RBMS3: variants seen among roughly 807,000 people sequenced by gnomAD.
RBMS3 encodes the protein RNA-binding motif, single-stranded-interacting protein 3.
Under a neutral mutation model 66.8 loss-of-function variants are expected in RBMS3, and 27 were observed. The ratio of observed to expected loss-of-function variants is 0.40; its 90% CI spans 0.30 to 0.56. RBMS3 has a LOEUF of 0.56. Among genes scored for constraint, RBMS3 ranks in the 20% least tolerant of loss-of-function variants. RBMS3 has a pLI of 0.40. For missense variants in RBMS3, 513 were observed against 549.5 expected, an observed-to-expected ratio of 0.93 and a Z score of 0.66; for synonymous variants, 188 against 183.0, an observed-to-expected ratio of 1.03 and a Z score of -0.22.
At chr3:29,663,056 C>T (rs774643696) in intron 4 of RBMS3, among the ~76,000 whole-genome samples, 2 of 152,132 alleles carry the variant, frequency 1.3e-5, no homozygotes, top group Non-Finnish European at 1.5e-5. Context: ...ATTTTTCTTG[C>T]TTGTTTGTTT....
At chr3:29,450,495 G>T (rs553013280) in intron 2 of RBMS3, among the ~76,000 whole-genome samples, 1 of 152,288 alleles carries the variant, frequency 6.6e-6, no homozygotes, top group East Asian at 1.9e-4. Flanking sequence ...TGAATTAGTA[G>T]ATTTGTCTTT....
intron 3 of RBMS3, among the ~76,000 whole-genome samples, chr3:29,564,829 T>C (rs942506879): frequency 6.6e-6 from 1 of 152,138 alleles, no homozygotes; most frequent in African/African-American, 2.4e-5. Context: ...GTCAGTTTCT[T>C]TAAAGACAAT....
chr3:29,589,003 T>C (rs1331936391), intron 4 of RBMS3, among the ~76,000 whole-genome samples: 1 of 152,112 alleles, frequency 6.6e-6, no homozygotes, highest in Non-Finnish European at 1.5e-5. Flanking sequence ...TAGCAGATTG[T>C]AGCACTTTAG....
intron 3 of RBMS3, among the ~76,000 whole-genome samples, chr3:29,556,985 T>A (rs1224271505): frequency 6.6e-6 from 1 of 152,174 alleles, no homozygotes; most frequent in Non-Finnish European, 1.5e-5. Flanking sequence ...CCACCCTCCA[T>A]GAAACTTTGT....
chr3:29,554,940 G>A (rs184287784), intron 3 of RBMS3, among the ~76,000 whole-genome samples: 1 of 152,226 alleles, frequency 6.6e-6, no homozygotes, highest in African/African-American at 2.4e-5. Flanking sequence ...TAGAAAGATG[G>A]TTGCATTGAT....
intron 12 of RBMS3, among the ~76,000 whole-genome samples, chr3:29,968,171 G>A (rs550523299): frequency 6.6e-6 from 1 of 151,850 alleles, no homozygotes; most frequent in Non-Finnish European, 1.5e-5. Flanking sequence ...CAGAGGGCAG[G>A]ACTCACTCCC....
intron 1 of RBMS3, among the ~76,000 whole-genome samples, chr3:29,386,960 CTTCT>C (rs2039037124): frequency 1.3e-5 from 2 of 152,298 alleles, no homozygotes; most frequent in Middle Eastern, 3.4e-3. Flanking sequence ...TTGATCAACT[CTTCT>C]TTCTTAAAAC....
intron 6 of RBMS3, among the ~76,000 whole-genome samples, chr3:29,779,052 T>C (rs2056526312): frequency 6.6e-6 from 1 of 151,866 alleles, no homozygotes; most frequent in South Asian, 2.1e-4. Flanking sequence ...TGGTCAAAGA[T>C]TCCTCCTTGA....
chr3:29,603,903 A>G (rs2048233466), intron 4 of RBMS3, among the ~76,000 whole-genome samples: 1 of 151,682 alleles, frequency 6.6e-6, no homozygotes, highest in Admixed American at 6.6e-5. Flanking sequence ...TGTAGTGGTC[A>G]CAATTAGGGC....
At chr3:29,401,025 T>C (rs1186359066) in intron 1 of RBMS3, among the ~76,000 whole-genome samples, 2 of 152,204 alleles carry the variant, frequency 1.3e-5, no homozygotes, top group Non-Finnish European at 2.9e-5. Context: ...TGCTGTGAAC[T>C]TAATTAGTGA....
At chr3:29,502,392 T>A (rs963899952) in intron 3 of RBMS3, among the ~76,000 whole-genome samples, 1 of 152,086 alleles carries the variant, frequency 6.6e-6, no homozygotes, top group Non-Finnish European at 1.5e-5. Flanking sequence ...TCCCATAAAA[T>A]AATCCCAATA....
intron 1 of RBMS3, among the ~76,000 whole-genome samples, chr3:29,394,437 G>A (rs537473504): frequency 1.3e-5 from 2 of 152,246 alleles, no homozygotes; most frequent in East Asian, 1.9e-4. Flanking sequence ...ACAGGGTCCT[G>A]AGGAGACATA....
At chr3:29,460,951 G>C (rs561211282) in intron 2 of RBMS3, among the ~76,000 whole-genome samples, 1 of 152,056 alleles carries the variant, frequency 6.6e-6, no homozygotes, top group Non-Finnish European at 1.5e-5. Context: ...TTCATCTGGC[G>C]GACAATGTAT....
intron 13 of RBMS3, among the ~76,000 whole-genome samples, chr3:29,989,015 T>C (rs530031995): frequency 2.0e-4 from 30 of 152,330 alleles, no homozygotes; most frequent in African/African-American, 3.6e-4. Flanking sequence ...GTCTGGAGTA[T>C]AGACTGAACA....
intron 14 of RBMS3, 21 bp from the exon 15 acceptor site, chr3:30,003,835 C>G (rs751335159): frequency 1.4e-5 from 20 of 1,420,474 alleles, no homozygotes; most frequent in Non-Finnish European, 1.7e-5. Flanking sequence ...AATGACCACT[C>G]TTATTCAATT....
chr3:29,926,979 C>G (rs918614262), intron 10 of RBMS3: 14 of 152,326 alleles, frequency 9.2e-5, no homozygotes, highest in Non-Finnish European at 1.6e-4. Flanking sequence ...ACATTTGTGG[C>G]AGTACACATT....
intron 2 of RBMS3, among the ~76,000 whole-genome samples, chr3:29,487,104 G>A (rs2125829190): frequency 6.6e-6 from 1 of 152,098 alleles, no homozygotes; most frequent in African/African-American, 2.4e-5. Flanking sequence ...CTAGTTAATG[G>A]GTATGATTGT....
At chr3:29,919,989 A>G (rs532055673) in intron 10 of RBMS3, among the ~76,000 whole-genome samples, 1 of 152,320 alleles carries the variant, frequency 6.6e-6, no homozygotes, top group African/African-American at 2.4e-5. Flanking sequence ...ACTCTTTAGA[A>G]AAGCCAGTTG....
chr3:29,386,663 T>G (rs2039023674), intron 1 of RBMS3, among the ~76,000 whole-genome samples: 1 of 152,334 alleles, frequency 6.6e-6, no homozygotes, highest in South Asian at 2.1e-4. Flanking sequence ...CATGCTGCAA[T>G]GCTTCCCATC....
Sources: gnomAD v4.1 joint callset for allele counts (sites outside exome capture counted in the v4.1 genomes callset) on GRCh38, gnomAD v4.1.1 for gene constraint, MANE v1.5 for transcripts, NCBI Gene and HGNC (gene_info 2026-07-23, HGNC 2026-07-21) for gene names.